Variants in RGL1 observed in about 807,000 individuals in gnomAD.
RGL1 encodes the protein ral guanine nucleotide dissociation stimulator like 1.
In RGL1, 24 loss-of-function variants were observed where a neutral mutation model predicts 95.2. The ratio of observed to expected loss-of-function variants is 0.25; its 90% CI spans 0.18 to 0.35. The LOEUF (loss-of-function observed/expected upper bound fraction) is 0.35. RGL1 is among the 10% of genes least tolerant of loss of function. The pLI, the probability that RGL1 is intolerant of heterozygous loss-of-function variation, is 1.00. For synonymous variants in RGL1, 329 were observed against 344.9 expected, an observed-to-expected ratio of 0.95 and a Z score of 0.51; for missense variants, 715 against 936.3, an observed-to-expected ratio of 0.76 and a Z score of 3.08.
At chr1:183,800,572 T>G (rs560314941), upstream of RGL1, among the ~76,000 whole-genome samples, 1 of 152,344 alleles carries the variant, frequency 6.6e-6, no homozygotes, top group Admixed American at 6.5e-5. Flanking sequence ...CAGTACATTA[T>G]TGTTAACTAT....
intron 2 of RGL1, among the ~76,000 whole-genome samples, chr1:183,754,138 A>G (rs1472416690): frequency 6.6e-6 from 1 of 152,138 alleles, no homozygotes; most frequent in Non-Finnish European, 1.5e-5. Context: ...AATTCTAAGG[A>G]GAAAATGACT....
chr1:183,827,724 C>T (rs1427832404), intron 2 of RGL1, among the ~76,000 whole-genome samples: 2 of 152,240 alleles, frequency 1.3e-5, no homozygotes, highest in African/African-American at 4.8e-5. Context: ...TATTCCCTCT[C>T]TTTCATTATT....
intron 2 of RGL1, among the ~76,000 whole-genome samples, chr1:183,753,031 A>G (rs1658121208): frequency 6.6e-6 from 1 of 152,068 alleles, no homozygotes; most frequent in Non-Finnish European, 1.5e-5. Flanking sequence ...GATGTCTTTC[A>G]TCCGTCTGGA....
At chr1:183,659,200 G>A (rs1057062836) in intron 1 of RGL1, among the ~76,000 whole-genome samples, 19 of 152,246 alleles carry the variant, frequency 1.2e-4, no homozygotes, top group African/African-American at 4.6e-4. Context: ...GAACAAAGCT[G>A]GACGGAGAAT....
At chr1:183,755,983 A>C (rs1305459687) in intron 2 of RGL1, among the ~76,000 whole-genome samples, 1 of 151,158 alleles carries the variant, frequency 6.6e-6, no homozygotes, top group Non-Finnish European at 1.5e-5. Flanking sequence ...TCCCGGGTTC[A>C]AGCGAGTCTC....
chr1:183,741,057 G>A (rs1657268629), intron 1 of RGL1, among the ~76,000 whole-genome samples: 2 of 152,120 alleles, frequency 1.3e-5, no homozygotes, highest in Non-Finnish European at 2.9e-5. Flanking sequence ...CACAAACAAA[G>A]GCTATAGGCA....
intron 1 of RGL1, among the ~76,000 whole-genome samples, chr1:183,698,758 A>G (rs977619480): frequency 6.6e-6 from 1 of 152,222 alleles, no homozygotes; most frequent in Non-Finnish European, 1.5e-5. Flanking sequence ...AGCTTATAGG[A>G]ACTACTTGAA....
intron 1 of RGL1, among the ~76,000 whole-genome samples, chr1:183,639,886 A>G (rs1324146456): frequency 6.6e-6 from 1 of 151,476 alleles, no homozygotes; most frequent in Non-Finnish European, 1.5e-5. Flanking sequence ...CTCTGTCGCC[A>G]GGCTAGAGTG....
At chr1:183,837,616 T>C (rs1663758651) in intron 2 of RGL1, among the ~76,000 whole-genome samples, 1 of 152,150 alleles carries the variant, frequency 6.6e-6, no homozygotes, top group Non-Finnish European at 1.5e-5. Flanking sequence ...TTTTATAAAG[T>C]AGGTAACGAA....
chr1:183,658,967 C>T (rs1184323588), intron 1 of RGL1, among the ~76,000 whole-genome samples: 1 of 151,876 alleles, frequency 6.6e-6, no homozygotes, highest in Admixed American at 6.6e-5. Context: ...GGACCTCTAG[C>T]AAACTCCAAC....
chr1:183,744,930 C>T (rs1356068211), intron 2 of RGL1, among the ~76,000 whole-genome samples: 8 of 152,074 alleles, frequency 5.3e-5, no homozygotes, highest in Admixed American at 2.6e-4. Flanking sequence ...AGTATGAATA[C>T]CTTTAGTTTT....
chr1:183,853,410 T>C (rs1664947930), intron 3 of RGL1, among the ~76,000 whole-genome samples: 1 of 152,186 alleles, frequency 6.6e-6, no homozygotes. Context: ...GCCAAGCTGA[T>C]GGCACTCAGG....
chr1:183,775,133 G>A (rs577829648), intron 2 of RGL1, among the ~76,000 whole-genome samples: 8 of 152,214 alleles, frequency 5.3e-5, no homozygotes, highest in East Asian at 3.9e-4. Context: ...TGCAGCACCC[G>A]ATTAAAGCCT....
At chr1:183,888,337 A>G (rs772864089) in intron 7 of RGL1, 137 bp from the exon 8 acceptor site, 33 of 556,482 alleles carry the variant, frequency 5.9e-5, no homozygotes, top group Non-Finnish European at 9.3e-5. Flanking sequence ...CCACTTTTTG[A>G]TGTTCACTAT....
intron 7 of RGL1, 137 bp downstream of exon 7, chr1:183,885,075 G>C: frequency 2.7e-6 from 2 of 728,770 alleles, no homozygotes; most frequent in Non-Finnish European, 4.4e-6. Flanking sequence ...GGTTTTTGTT[G>C]TTCTTCCAGA....
chr1:183,817,981 A>G (rs76707316), intron 2 of RGL1, among the ~76,000 whole-genome samples: 9,075 of 152,258 alleles, frequency 0.06, 391 homozygotes, highest in African/African-American at 0.097. Context: ...CCTCATGAAC[A>G]TTCTTTGGTT....
intron 3 of RGL1, among the ~76,000 whole-genome samples, chr1:183,860,441 A>C (rs762156136): frequency 2.0e-5 from 3 of 152,002 alleles, no homozygotes; most frequent in Non-Finnish European, 2.9e-5. Context: ...TGTCATCTCC[A>C]TGCCTCCTTT....
At chr1:183,699,199 G>A (rs1225241900) in intron 1 of RGL1, among the ~76,000 whole-genome samples, 1 of 152,190 alleles carries the variant, frequency 6.6e-6, no homozygotes, top group Non-Finnish European at 1.5e-5. Context: ...TTCACCCAGT[G>A]TGTTTCCTTC....
intron 14 of RGL1, among the ~76,000 whole-genome samples, chr1:183,911,253 T>C (rs1668625758): frequency 6.6e-6 from 1 of 152,226 alleles, no homozygotes; most frequent in African/African-American, 2.4e-5. Context: ...CATGACTTCA[T>C]AGGAGACATT....
Sources: gnomAD v4.1 joint callset for allele counts (sites outside exome capture counted in the v4.1 genomes callset) on GRCh38, gnomAD v4.1.1 for gene constraint, MANE v1.5 for transcripts, NCBI Gene and HGNC (gene_info 2026-07-23, HGNC 2026-07-21) for gene names.